The following PTBP2 variants were observed in gnomAD, a reference collection of about 807,000 sequenced individuals.
The protein encoded by PTBP2 is polypyrimidine tract-binding protein 2.
A neutral mutation model predicts 61.4 loss-of-function variants in PTBP2; 13 were observed. That is an observed-to-expected ratio of 0.21 (90% CI 0.14 to 0.34). The LOEUF (loss-of-function observed/expected upper bound fraction) is 0.34, where lower values mean the gene tolerates loss of function less well. Ranked by LOEUF, PTBP2 falls within the 10% of genes least tolerant of loss-of-function variation. PTBP2 has a pLI of 1.00. For missense variants in PTBP2, 405 were observed against 642.6 expected (o/e 0.63, Z 4.00); for synonymous variants, 215 against 218.5 (o/e 0.98, Z 0.14).
intron 3 of PTBP2, among the ~76,000 whole-genome samples, chr1:96,769,018 ATTAG>A: frequency 6.6e-6 from 1 of 152,152 alleles, no homozygotes; most frequent in East Asian, 1.9e-4. Flanking sequence ...AAATGTTCAT[ATTAG>A]TTCATTATAA....
intron 5 of PTBP2, among the ~76,000 whole-genome samples, chr1:96,775,162 A>G (rs1214707968): frequency 6.6e-6 from 1 of 152,222 alleles, no homozygotes; most frequent in Non-Finnish European, 1.5e-5. Flanking sequence ...TGCTATGCAC[A>G]TAACCAGAGT....
At chr1:96,789,944 A>T (rs1458144677) in intron 8 of PTBP2, among the ~76,000 whole-genome samples, 6 of 152,118 alleles carry the variant, frequency 3.9e-5, no homozygotes, top group Non-Finnish European at 8.8e-5. Context: ...GTCCTCAAAT[A>T]CCCAGCTTAC....
chr1:96,817,983 T>C (rs1424040536), downstream of PTBP2: 2 of 152,078 alleles, frequency 1.3e-5, no homozygotes, highest in African/African-American at 4.8e-5. Context: ...GGATTTTAAA[T>C]TGTGTTTAAG....
intron 2 of PTBP2, among the ~76,000 whole-genome samples, chr1:96,748,161 T>A (rs273879): frequency 0.29 from 44,346 of 151,970 alleles, 7,198 homozygotes; most frequent in East Asian, 0.44. Context: ...CATGGTTCCC[T>A]AGGCTGCCAT....
intron 2 of PTBP2, among the ~76,000 whole-genome samples, chr1:96,749,150 G>A (rs934640478): frequency 6.6e-6 from 1 of 152,068 alleles, no homozygotes; most frequent in African/African-American, 2.4e-5. Flanking sequence ...TGCATTGCAG[G>A]AAGGAGGAAG....
Position 96,775,435 on chromosome 1 carries a change from G to A in PTBP2, c.433-2150G>A, listed in dbSNP as rs139795414. Among the ~76,000 whole-genome samples, 60 of 152,226 alleles carry A rather than the reference G, an allele frequency of 3.9e-4. 1 individual carries two copies. Among genetic ancestry groups the A allele is most frequent in the South Asian group, 2.1e-3 (10 of 4,818 alleles). ...TATGTTGTGTTGTATTCATTTAGTGGAATATTGTATAGTAATAAAAATGAA... is the reference window on the plus strand; with the variant it reads ...TATGTTGTGTTGTATTCATTTAGTGAAATATTGTATAGTAATAAAAATGAA... On this transcript the variant is annotated intron_variant, in intron 5 of 13. Transcript: ENST00000674951.
intron 2 of PTBP2, among the ~76,000 whole-genome samples, chr1:96,739,965 G>A (rs1347594076): frequency 1.3e-5 from 2 of 152,066 alleles, no homozygotes; most frequent in African/African-American, 2.4e-5. Context: ...CTCAAAGGAA[G>A]TGCTTAGTGG....
intron 8 of PTBP2, among the ~76,000 whole-genome samples, chr1:96,789,593 A>AT (rs1488536998): frequency 1.3e-5 from 2 of 151,926 alleles, no homozygotes; most frequent in Non-Finnish European, 2.9e-5. Flanking sequence ...TGAATTTATA[A>AT]TTTTCTATAT....
chr1:96,752,781 T>C (rs890762708), intron 3 of PTBP2, among the ~76,000 whole-genome samples: 10 of 151,350 alleles, frequency 6.6e-5, no homozygotes, highest in Non-Finnish European at 1.2e-4. Context: ...TTTTTCAGTC[T>C]CCCCCCAAAA....
chr1:96,762,921 C>A (rs868530630), intron 3 of PTBP2, among the ~76,000 whole-genome samples: 1 of 151,402 alleles, frequency 6.6e-6, no homozygotes, highest in African/African-American at 2.4e-5. Flanking sequence ...CGGGTAGAGG[C>A]GCTCCTCACA....
downstream of PTBP2, chr1:96,817,260 G>T (rs1423818285): frequency 6.6e-6 from 1 of 152,038 alleles, no homozygotes; most frequent in African/African-American, 2.4e-5. Flanking sequence ...TTTTCTGGCT[G>T]CCTTAATATA....
chr1:96,810,502 T>C (rs1661970828), intron 11 of PTBP2, among the ~76,000 whole-genome samples: 1 of 152,202 alleles, frequency 6.6e-6, no homozygotes, highest in African/African-American at 2.4e-5. Flanking sequence ...TCTTGTTACC[T>C]GGCTACTTCC....
chr1:96,763,583 G>A (rs1463837982), intron 3 of PTBP2, among the ~76,000 whole-genome samples: 1 of 139,156 alleles, frequency 7.2e-6, no homozygotes, highest in Non-Finnish European at 1.6e-5. Flanking sequence ...AGAGGGAGAG[G>A]GAGACCGTGG....
intron 2 of PTBP2, among the ~76,000 whole-genome samples, chr1:96,732,037 T>C (rs1454658722): frequency 2.6e-5 from 4 of 152,174 alleles, no homozygotes; most frequent in Non-Finnish European, 5.9e-5. Flanking sequence ...GTAAGTTAAC[T>C]ATTAATATAT....
intron 11 of PTBP2, among the ~76,000 whole-genome samples, chr1:96,810,037 T>C (rs910289783): frequency 6.6e-6 from 1 of 152,154 alleles, no homozygotes; most frequent in East Asian, 1.9e-4. Flanking sequence ...TTTTGAATTA[T>C]AAAGGGGAGA....
intron 5 of PTBP2, among the ~76,000 whole-genome samples, chr1:96,771,873 T>G (rs1187937990): frequency 6.6e-6 from 1 of 152,222 alleles, no homozygotes; most frequent in African/African-American, 2.4e-5. Context: ...GGTAAGAACA[T>G]TTAAAATTCC....
chr1:96,774,562 A>G (rs1356470438), intron 5 of PTBP2, among the ~76,000 whole-genome samples: 1 of 152,250 alleles, frequency 6.6e-6, no homozygotes, highest in Non-Finnish European at 1.5e-5. Context: ...ACATCCGTTC[A>G]TGAAATCACC....
intron 2 of PTBP2, among the ~76,000 whole-genome samples, chr1:96,726,001 C>T (rs1038337248): frequency 1.5e-5 from 2 of 131,372 alleles, no homozygotes; most frequent in African/African-American, 5.7e-5. Flanking sequence ...CATGAACCTG[C>T]GAGGCAGAGG....
At chr1:96,727,226 A>C (rs996543293) in intron 2 of PTBP2, among the ~76,000 whole-genome samples, 2 of 152,242 alleles carry the variant, frequency 1.3e-5, no homozygotes, top group Non-Finnish European at 2.9e-5. Context: ...TTGTCTTTCA[A>C]TAGTCCATTC....
Sources: allele counts gnomAD v4.1 joint callset (sites outside exome capture counted in the v4.1 genomes callset), GRCh38; gene constraint gnomAD v4.1.1; transcripts MANE v1.5; gene names NCBI Gene and HGNC (gene_info 2026-07-23, HGNC 2026-07-21).